UBE3D: variants seen among roughly 807,000 people sequenced by gnomAD.
UBE3D encodes ubiquitin protein ligase E3D.
In UBE3D, 48 loss-of-function variants were observed where a neutral mutation model predicts 49.6. The observed-to-expected ratio is 0.97, with a 90% CI of 0.77 to 1.23. The LOEUF (loss-of-function observed/expected upper bound fraction) is 1.23, where lower values mean the gene tolerates loss of function less well. Ranked by LOEUF, UBE3D falls within the 50% of genes most tolerant of loss-of-function variation. The pLI is 0.00. For synonymous variants in UBE3D, 189 were observed against 174.2 expected (o/e 1.08, Z -0.67); for missense variants, 452 against 468.4 (o/e 0.96, Z 0.32).
chr6:83,018,133 C>T (rs1780824164), intron 8 of UBE3D: 1 of 152,104 alleles, frequency 6.6e-6, no homozygotes, highest in South Asian at 2.1e-4. Context: ...TTTTCAATGT[C>T]TTATTTACTT....
At chr6:82,903,176 G>A (rs946347596) in intron 9 of UBE3D, among the ~76,000 whole-genome samples, 6 of 151,916 alleles carry the variant, frequency 3.9e-5, no homozygotes, top group Admixed American at 3.9e-4. Context: ...TTGTAGAGAT[G>A]CGGTCTTACT....
intron 5 of UBE3D, among the ~76,000 whole-genome samples, chr6:83,032,012 G>C (rs559020948): frequency 2.0e-5 from 3 of 152,232 alleles, no homozygotes; most frequent in Admixed American, 6.5e-5. Context: ...GTGTGCTGCA[G>C]GGCCGCAGCC....
chr6:82,954,461 C>A (rs184439330), intron 9 of UBE3D, among the ~76,000 whole-genome samples: 1 of 152,062 alleles, frequency 6.6e-6, no homozygotes, highest in African/African-American at 2.4e-5. Context: ...AAGATAAACT[C>A]TTCTTTTTGA....
Position 83,038,472 on chromosome 6 carries a change from T to C in UBE3D, c.611A>G (p.Asn204Ser). The C allele has an allele frequency of 6.2e-7, 1 of 1,610,748 alleles. No individual in the cohort carries two copies. The highest frequency in any genetic ancestry group is 8.5e-7 in the Non-Finnish European group (1 of 1,179,180). ...GCAACGCTTACAAATTACTTTGGTA[T>C]TTGCCTTTGGTTCCTGTAGAACAGA... ...DNHCKLEPKA[N>S]TKVICKRCKV... The change falls in exon 5 of 10, where the codon AAT becomes AGT. Residue 204 changes from asparagine (N) to serine (S), a missense_variant. Coordinates refer to ENST00000369747, the MANE Select transcript of UBE3D (RefSeq NM_198920.3).
intron 9 of UBE3D, among the ~76,000 whole-genome samples, chr6:82,897,032 C>A (rs1453421777): frequency 6.6e-6 from 1 of 151,970 alleles, no homozygotes; most frequent in East Asian, 1.9e-4. Flanking sequence ...AGCCACTCTG[C>A]CTGGCCTTAG....
At chr6:82,965,410 C>T (rs939552821) in intron 8 of UBE3D, among the ~76,000 whole-genome samples, 2 of 147,546 alleles carry the variant, frequency 1.4e-5, no homozygotes, top group African/African-American at 2.5e-5. Flanking sequence ...ATGGAGAAAC[C>T]CCATCTCTAC....
chr6:83,040,906 A>T (rs191492422), intron 4 of UBE3D, among the ~76,000 whole-genome samples: 17 of 152,352 alleles, frequency 1.1e-4, no homozygotes, highest in Admixed American at 1.0e-3. Flanking sequence ...AAACCTAGGA[A>T]GGTGCCAATT....
intron 6 of UBE3D, 37 bp from the exon 7 acceptor site, chr6:83,022,598 T>C (rs760290553): frequency 2.1e-6 from 3 of 1,454,108 alleles, no homozygotes; most frequent in Non-Finnish European, 2.8e-6. Flanking sequence ...AATGTGTATC[T>C]CATAATAACT....
chr6:83,022,559 G>C lies in UBE3D; in HGVS notation c.740C>G (p.Ser247Cys). 6.4e-7 allele frequency: 1 copy of C among 1,568,298 alleles called. No homozygotes were observed. The highest frequency in any genetic ancestry group is 1.2e-5 in the South Asian group (1 of 83,202). ...SERSFPIIPR[S>C]WFVQSVIAQC... is the part of the protein sequence containing the mutation. ...GGCGATCACGCTCTGGACAAACCAAGACCTGTTTGAACAGAAATCAATTTT... is the reference window on the plus strand; with the variant it reads ...GGCGATCACGCTCTGGACAAACCAACACCTGTTTGAACAGAAATCAATTTT... Residue 247 changes from serine to cysteine, a missense_variant and splice_region_variant, in exon 7 of 10, where the codon TCT (serine) becomes TGT (cysteine). By Grantham distance (112) the Ser-to-Cys change is moderately radical. Coordinates refer to ENST00000369747, the MANE Select transcript of UBE3D (RefSeq NM_198920.3).
rs112368349 is a variant in UBE3D at position 83,065,838 on chromosome 6, C to T, written c.-120G>A. On this transcript the variant is annotated 5_prime_UTR_variant, in exon 1 of 10. Coordinates refer to ENST00000369747, the MANE Select transcript of UBE3D (RefSeq NM_198920.3). ...GGCAGCCCCGCTGCGGCGCAGGCGC[C>T]TGTGCCAGATCGCAGGGCTGGCGCC... 1.9e-6 allele frequency: 2 copies of T among 1,061,400 alleles called. No individual in the cohort carries two copies. Among genetic ancestry groups the T allele is most frequent in the East Asian group, 2.6e-5 (1 of 37,794 alleles). 65.7% of individuals were successfully genotyped at this position (1,061,400 alleles called of 1,614,324 possible). A position where few individuals can be genotyped will look rare whatever the true frequency, so the allele number is the denominator to read the frequency against.
At chr6:83,065,600 G>C in intron 1 of UBE3D, 42 bp downstream of exon 1, 1 of 1,602,010 alleles carries the variant, frequency 6.2e-7, no homozygotes, top group African/African-American at 1.3e-5. Context: ...CCGGGCAGCA[G>C]TAAAGCGAGC....
intron 8 of UBE3D, among the ~76,000 whole-genome samples, chr6:82,963,190 CTTTTT>C (rs5877828): frequency 8.1e-6 from 1 of 123,106 alleles, no homozygotes; most frequent in Admixed American, 8.3e-5. Context: ...AAGTTTTCAT[CTTTTT>C]TTTTTTTTTT....
intron 1 of UBE3D, chr6:83,063,090 TTAAAA>T: frequency 4.8e-6 from 1 of 209,974 alleles, no homozygotes; most frequent in South Asian, 4.9e-5. Flanking sequence ...TTCATTAAAA[TTAAAA>T]TTTCTGTTCA....
chr6:82,945,603 T>G (rs976309913), intron 9 of UBE3D, among the ~76,000 whole-genome samples: 5 of 152,106 alleles, frequency 3.3e-5, no homozygotes, highest in Non-Finnish European at 4.4e-5. Flanking sequence ...GCCCAGATAC[T>G]GACAAGCATC....
intron 8 of UBE3D, among the ~76,000 whole-genome samples, chr6:82,985,646 G>A (rs1476019390): frequency 6.6e-6 from 1 of 152,174 alleles, no homozygotes; most frequent in East Asian, 1.9e-4. Context: ...ACAGGCATCA[G>A]CCACTGCACC....
chr6:83,003,619 T>C (rs1230935329), intron 8 of UBE3D, among the ~76,000 whole-genome samples: 1 of 152,224 alleles, frequency 6.6e-6, no homozygotes. Flanking sequence ...ACCTAAGTGA[T>C]ACAGTCTATT....
chr6:82,917,915 T>C (rs921833966), intron 9 of UBE3D, among the ~76,000 whole-genome samples: 1 of 152,222 alleles, frequency 6.6e-6, no homozygotes, highest in East Asian at 1.9e-4. Flanking sequence ...GCTGCTATTG[T>C]AGCTGTTTTC....
intron 9 of UBE3D, among the ~76,000 whole-genome samples, chr6:82,952,810 G>A (rs1481391892): frequency 6.6e-6 from 1 of 152,136 alleles, no homozygotes; most frequent in Non-Finnish European, 1.5e-5. Context: ...TAAGAAATCA[G>A]AATTTCAGTC....
rs566936695 is a variant in UBE3D at position 83,019,886 on chromosome 6, G to GT, written c.847-751dup. Reference sequence around the variant, plus strand: ...CTGGCAGCGGGCTGACCAAGAAGGGGTGAGTCAGGGAGGGACTGTGGCGGA... The same window carrying GT: ...CTGGCAGCGGGCTGACCAAGAAGGGGTTGAGTCAGGGAGGGACTGTGGCGGA... On this transcript the variant is annotated intron_variant, in intron 7 of 9. Transcript: ENST00000369747. Among the ~76,000 whole-genome samples the GT allele has an allele frequency of 1.7e-4, 26 of 152,280 alleles. 2 individuals are homozygous for GT. The South Asian group carries it at 5.4e-3, about 32-fold the overall frequency.
Sources: allele counts gnomAD v4.1 joint callset (sites outside exome capture counted in the v4.1 genomes callset), GRCh38; gene constraint gnomAD v4.1.1; transcripts MANE v1.5; gene names NCBI Gene and HGNC (gene_info 2026-07-23, HGNC 2026-07-21).